GATB: variants seen among roughly 807,000 people sequenced by gnomAD.
GATB encodes glutamyl-tRNA(Gln) amidotransferase subunit B, mitochondrial.
In GATB, 39 loss-of-function variants were observed where a neutral mutation model predicts 62.3. The observed-to-expected ratio is 0.63, with a 90% CI of 0.48 to 0.82. GATB has a LOEUF of 0.82. Among genes scored for constraint, GATB ranks in the 40% least tolerant of loss-of-function variants. The pLI, the probability that GATB is intolerant of heterozygous loss-of-function variation, is 0.00. For synonymous variants in GATB, 276 were observed against 258.9 expected (o/e 1.07, Z -0.63); for missense variants, 670 against 684.0 (o/e 0.98, Z 0.23).
chr4:151,760,710 C>A, intron 1 of GATB, 97 bp downstream of exon 1: 1 of 1,211,960 alleles, frequency 8.3e-7, no homozygotes, highest in Non-Finnish European at 1.1e-6. Flanking sequence ...TCCCGTCAGC[C>A]AAAACGTCTA....
intron 2 of GATB, among the ~76,000 whole-genome samples, chr4:151,736,727 AT>A (rs1739382759): frequency 6.6e-6 from 1 of 152,132 alleles, no homozygotes; most frequent in Admixed American, 6.5e-5. Context: ...GAATTCCCAC[AT>A]GTTGTGGGAG....
intron 2 of GATB, among the ~76,000 whole-genome samples, chr4:151,749,845 T>C (rs1025386347): frequency 3.3e-5 from 5 of 151,982 alleles, no homozygotes; most frequent in Non-Finnish European, 7.4e-5. Context: ...AACAATTCCC[T>C]CCCCCTTATA....
intron 2 of GATB, among the ~76,000 whole-genome samples, chr4:151,734,393 T>C (rs1029384214): frequency 2.8e-5 from 4 of 145,282 alleles, no homozygotes; most frequent in Non-Finnish European, 6.0e-5. Flanking sequence ...AACAAAAGAG[T>C]TGAAGGACCT....
In GATB at chr4:151,701,400, G is replaced by A. The variant is rs751721199; in HGVS notation, c.1126C>T (p.Leu376Phe). Residue 376 changes from leucine (L) to phenylalanine (F), a missense_variant, in exon 9 of 13, where the codon CTC becomes TTC. Transcript: ENST00000263985. Reference sequence around the variant, plus strand: ...AGCTTCTCTCGGGTCACACTGGGGAGCTCCGGGAGTGTCTCCCGAATCTGG... The same window carrying A: ...AGCTTCTCTCGGGTCACACTGGGGAACTCCGGGAGTGTCTCCCGAATCTGG... The part of the protein sequence containing the change: ...IDQIRETLPE[L>F]PSVTREKLVQ... 1.9e-6 allele frequency: 3 copies of A among 1,604,330 alleles called. No individual in the cohort carries two copies. The highest frequency in any genetic ancestry group is 2.2e-5 in the South Asian group (2 of 89,174).
chr4:151,687,830 C>A (rs2126960464), intron 10 of GATB, among the ~76,000 whole-genome samples: 1 of 152,208 alleles, frequency 6.6e-6, no homozygotes. Context: ...AATGCATCAG[C>A]TGGCACCCGG....
chr4:151,756,569 T>C (rs556741121), intron 2 of GATB, among the ~76,000 whole-genome samples: 155 of 152,294 alleles, frequency 1.0e-3, no homozygotes, highest in Middle Eastern at 3.4e-3. Flanking sequence ...CCATAAGCGT[T>C]GTAGGCTCTG....
chr4:151,693,797 A>G (rs1416945315), intron 9 of GATB, among the ~76,000 whole-genome samples: 1 of 152,196 alleles, frequency 6.6e-6, no homozygotes, highest in Non-Finnish European at 1.5e-5. Context: ...ACAGATCTTG[A>G]GTTCAACTCA....
At position 151,701,651 on chromosome 4, in the gene GATB, T is replaced by G. The variant is rs370172630; in HGVS notation, c.1008-133A>C. On this transcript the variant is annotated intron_variant, in intron 8 of 12. Coordinates refer to ENST00000263985, the MANE Select transcript of GATB (RefSeq NM_004564.3). The stretch of plus-strand genomic sequence containing the variant: ...TTGCAAATATTTTCAAATGTCCTAT[T>G]ACGTCAATTCTGTTTCCCAGGGAAG... The G allele has an allele frequency of 1.0e-3, 662 of 636,238 alleles. 19 individuals carry two copies. In the South Asian group the frequency reaches 0.027, roughly 26 times the overall value. 39.4% of individuals were successfully genotyped at this position (636,238 alleles called of 1,614,324 possible).
chr4:151,758,778 A>G lies in GATB; in HGVS notation c.321T>C (p.Thr107=). The G allele has an allele frequency of 6.4e-7, 1 of 1,572,042 alleles. No individual in the cohort carries two copies. Among genetic ancestry groups the G allele is most frequent in the African/African-American group, 1.4e-5 (1 of 73,002 alleles). ...VSFFDASLPG[T]LPVLNRRCVE... is the part of the protein sequence containing the mutation. ...GATTAAATAAGAATCTTACCGGCAAAGTTCCAGGTAGAGATGCATCAAAAA... is the reference window on the plus strand; with the variant it reads ...GATTAAATAAGAATCTTACCGGCAAGGTTCCAGGTAGAGATGCATCAAAAA... The change falls in exon 2 of 13, where the codon ACT becomes ACC. Residue 107 remains threonine (T), a synonymous_variant. Coordinates refer to ENST00000263985, the MANE Select transcript of GATB (RefSeq NM_004564.3).
intron 5 of GATB, among the ~76,000 whole-genome samples, chr4:151,713,004 T>A (rs981606587): frequency 6.6e-6 from 1 of 152,216 alleles, no homozygotes; most frequent in Non-Finnish European, 1.5e-5. Context: ...TCCCTTGCAT[T>A]ACCATCTGAG....
intron 10 of GATB, among the ~76,000 whole-genome samples, chr4:151,681,561 C>G (rs1416596290): frequency 1.3e-5 from 2 of 152,184 alleles, no homozygotes; most frequent in Non-Finnish European, 2.9e-5. Context: ...TCTTAGAATG[C>G]AGACTGTGTG....
chr4:151,735,634 A>T (rs1430862503), intron 2 of GATB, among the ~76,000 whole-genome samples: 1 of 151,392 alleles, frequency 6.6e-6, no homozygotes, highest in Non-Finnish European at 1.5e-5. Context: ...AAAAAAAAAG[A>T]TACTTGCACA....
Position 151,671,252 on chromosome 4 carries a change from C to T in GATB, c.1596G>A (p.Gly532=), listed in dbSNP as rs992503232. The T allele has an allele frequency of 5.6e-6, 9 of 1,613,990 alleles. No homozygotes were observed. In the Admixed American group the frequency reaches 8.3e-5, roughly 15 times the overall value. ...RNPRAINKLI[G]LVRKATQSRA... is the part of the protein sequence containing the mutation. ...GGCTTTGAGTCGCTTTCCGGACCAA[C>T]CCAATCAGTTTATTTATAGCTCTGG... Residue 532 remains glycine (G), a synonymous_variant, in exon 13 of 13, where the codon GGG becomes GGA. Transcript: ENST00000263985.
chr4:151,736,355 A>C (rs369368100), intron 2 of GATB, among the ~76,000 whole-genome samples: 6 of 152,204 alleles, frequency 3.9e-5, no homozygotes, highest in Non-Finnish European at 5.9e-5. Context: ...CCCCAATTAT[A>C]TATTTTCTAG....
intron 2 of GATB, among the ~76,000 whole-genome samples, chr4:151,757,681 G>T (rs560684399): frequency 3.3e-5 from 5 of 152,214 alleles, no homozygotes; most frequent in African/African-American, 1.2e-4. Flanking sequence ...GTTTCACCGT[G>T]TTAGCCAGGA....
rs1259852927 is a variant in GATB, at chr4:151,718,927, C to T, written c.441+498G>A. Among the ~76,000 whole-genome samples, 3 of 152,354 alleles carry T rather than the reference C, an allele frequency of 2.0e-5. No individual in the cohort carries two copies. In the East Asian group the frequency reaches 5.8e-4, roughly 29 times the overall value. The stretch of plus-strand genomic sequence containing the variant: ...AGTTTACTGTTCTTGGTCCAGATTT[C>T]TGGTTCATGTTTCCGCTTACTATTG... On this transcript the variant is annotated intron_variant, in intron 3 of 12. Coordinates refer to ENST00000263985, the MANE Select transcript of GATB (RefSeq NM_004564.3).
intron 2 of GATB, among the ~76,000 whole-genome samples, chr4:151,724,943 A>G (rs1739106207): frequency 6.6e-6 from 1 of 152,242 alleles, no homozygotes; most frequent in South Asian, 2.1e-4. Context: ...AAGCTGTGAC[A>G]TAAAAGCAAA....
At chr4:151,748,158 A>C (rs1382420611) in intron 2 of GATB, among the ~76,000 whole-genome samples, 2 of 152,210 alleles carry the variant, frequency 1.3e-5, no homozygotes, top group African/African-American at 4.8e-5. Context: ...AACTGGAAAA[A>C]ACTACTTTAA....
intron 2 of GATB, chr4:151,719,779 G>C (rs951851609): frequency 2.8e-6 from 1 of 351,466 alleles, no homozygotes; most frequent in South Asian, 3.8e-5. Context: ...CTGCCACATC[G>C]GGAACCCTTT....
Sources: allele counts gnomAD v4.1 joint callset (sites outside exome capture counted in the v4.1 genomes callset), GRCh38; gene constraint gnomAD v4.1.1; transcripts MANE v1.5; gene names NCBI Gene and HGNC (gene_info 2026-07-23, HGNC 2026-07-21).